Variants in LIPA observed in about 807,000 individuals in gnomAD.
LIPA encodes lysosomal acid lipase/cholesteryl ester hydrolase.
Under a neutral mutation model 40.6 loss-of-function variants are expected in LIPA, and 26 were observed. The ratio of observed to expected loss-of-function variants is 0.64; its 90% CI spans 0.47 to 0.89. LIPA has a LOEUF of 0.89. Ranked by LOEUF, LIPA falls within the 40% of genes least tolerant of loss-of-function variation. The pLI, the probability that LIPA is intolerant of heterozygous loss-of-function variation, is 0.00. For synonymous variants in LIPA, 188 were observed against 168.4 expected (o/e 1.12, Z -0.90); for missense variants, 455 against 479.6 (o/e 0.95, Z 0.48).
rs1311480216 is a variant in LIPA, at chr10:89,223,738, G to C, written c.768C>G (p.Leu256=). 1 of 1,613,460 alleles carries C rather than the reference G, an allele frequency of 6.2e-7. No individual in the cohort carries two copies. Among genetic ancestry groups the C allele is most frequent in the Non-Finnish European group, 8.5e-7 (1 of 1,179,508 alleles). The change falls in exon 7 of 10, where the codon CTC becomes CTG. Residue 256 remains leucine, a synonymous_variant. Transcript: ENST00000336233. Reference sequence around the variant, plus strand: ...ACAGAAGAAAACAGAGATTTCCACAGAGCTCCTTCAGTATGACATGAGTGC... The same window carrying C: ...ACAGAAGAAAACAGAGATTTCCACACAGCTCCTTCAGTATGACATGAGTGC... ...HVCTHVILKE[L]CGNLCFLLCG...
intron 2 of LIPA, chr10:89,383,872 C>A (rs767791005): frequency 6.2e-7 from 1 of 1,614,168 alleles, no homozygotes; most frequent in Non-Finnish European, 8.5e-7. Flanking sequence ...CACCGTCTAT[C>A]GCCTGGATAA....
chr10:89,387,836 A>G (rs1200375922), intron 2 of LIPA, among the ~76,000 whole-genome samples: 1 of 152,224 alleles, frequency 6.6e-6, no homozygotes, highest in African/African-American at 2.4e-5. Flanking sequence ...TAAAATGTTA[A>G]CTGTAGAATC....
chr10:89,280,378 C>T (rs1378452404), intron 1 of LIPA, among the ~76,000 whole-genome samples: 1 of 152,188 alleles, frequency 6.6e-6, no homozygotes, highest in Non-Finnish European at 1.5e-5. Flanking sequence ...AGGAAAGGTT[C>T]CTTGAGACAC....
intron 2 of LIPA, among the ~76,000 whole-genome samples, chr10:89,375,199 C>T (rs761555377): frequency 6.6e-6 from 1 of 152,164 alleles, no homozygotes; most frequent in African/African-American, 2.4e-5. Context: ...AGTGCTATTC[C>T]GATTCCATGG....
At chr10:89,354,238 T>C (rs889359063) in intron 2 of LIPA, among the ~76,000 whole-genome samples, 2 of 152,226 alleles carry the variant, frequency 1.3e-5, no homozygotes, top group Non-Finnish European at 2.9e-5. Context: ...TTGTCTCTTA[T>C]CCGCCTATCA....
chr10:89,342,585 A>C (rs1273891260), intron 1 of LIPA: 1 of 152,204 alleles, frequency 6.6e-6, no homozygotes, highest in African/African-American at 2.4e-5. Context: ...TCCATCTTCC[A>C]GGTATGGTTA....
intron 1 of LIPA, chr10:89,291,928 TC>T (rs1326649998): frequency 1.3e-5 from 2 of 152,208 alleles, no homozygotes; most frequent in African/African-American, 4.8e-5. Flanking sequence ...GTGATGTATG[TC>T]ATTTCCAAGT....
At chr10:89,291,733 A>T (rs966201912) in intron 1 of LIPA, among the ~76,000 whole-genome samples, 1 of 152,178 alleles carries the variant, frequency 6.6e-6, no homozygotes, top group African/African-American at 2.4e-5. Context: ...ATACATGGTT[A>T]TTTAGGGCCA....
rs556678800 is a variant in LIPA at position 89,350,206 on chromosome 10, A to C, written c.61+62585T>G. Among the ~76,000 whole-genome samples the C allele has an allele frequency of 1.3e-4, 20 of 152,272 alleles. No homozygotes were observed. The South Asian group carries it at 2.1e-3, about 16-fold the overall frequency. On this transcript the variant is annotated intron_variant, in intron 2 of 8. Coordinates refer to the LIPA transcript ENST00000371837. ...CTCATCACTGAGTTCTCTGGTGTGA[A>C]GAGACTGATGGGGTTCAGGAGGATA...
chr10:89,312,310 A>C (rs1012092806), intron 1 of LIPA, among the ~76,000 whole-genome samples: 1 of 151,978 alleles, frequency 6.6e-6, no homozygotes, highest in Non-Finnish European at 1.5e-5. Flanking sequence ...GCTTGGTGGC[A>C]TGCACCTGTA....
chr10:89,378,284 T>A (rs554721383), intron 2 of LIPA: 1 of 764,208 alleles, frequency 1.3e-6, no homozygotes, highest in South Asian at 1.6e-5. Context: ...ACCCTCAACA[T>A]GATAACCAAG....
intron 2 of LIPA, among the ~76,000 whole-genome samples, chr10:89,366,191 GTATTT>G (rs1844055712): frequency 6.6e-6 from 1 of 152,112 alleles, no homozygotes; most frequent in Non-Finnish European, 1.5e-5. Context: ...GGATTCCTGG[GTATTT>G]TATTCTCTTT....
At chr10:89,328,344 C>T (rs535636117) in intron 1 of LIPA, among the ~76,000 whole-genome samples, 1 of 152,270 alleles carries the variant, frequency 6.6e-6, no homozygotes, top group South Asian at 2.1e-4. Context: ...CTCATGTTTC[C>T]TCCCTGTGTG....
intron 1 of LIPA, among the ~76,000 whole-genome samples, chr10:89,320,710 A>G (rs930568746): frequency 1.4e-4 from 22 of 152,252 alleles, no homozygotes; most frequent in African/African-American, 5.1e-4. Flanking sequence ...AGAATTGGAA[A>G]AAACTACTTT....
intron 1 of LIPA, among the ~76,000 whole-genome samples, chr10:89,259,805 C>CAA (rs1376951622): frequency 1.3e-5 from 2 of 152,192 alleles, no homozygotes; most frequent in African/African-American, 4.8e-5. Context: ...TGTCTCATTT[C>CAA]ATTTTCATAA....
intron 6 of LIPA, 108 bp downstream of exon 6, chr10:89,224,984 A>G: frequency 7.3e-7 from 1 of 1,371,044 alleles, no homozygotes; most frequent in Admixed American, 1.7e-5. Flanking sequence ...CTCCACTGAT[A>G]TCAAAACGCA....
chr10:89,270,551 A>T (rs534851422), intron 1 of LIPA, among the ~76,000 whole-genome samples: 1 of 152,316 alleles, frequency 6.6e-6, no homozygotes, highest in South Asian at 2.1e-4. Context: ...ACATTTCTGT[A>T]TCTGTTTTCT....
intron 1 of LIPA, among the ~76,000 whole-genome samples, chr10:89,301,089 C>T (rs949984118): frequency 3.9e-5 from 6 of 152,202 alleles, no homozygotes; most frequent in African/African-American, 1.2e-4. Context: ...ATTTCATCCT[C>T]CCAACACCAC....
intron 1 of LIPA, among the ~76,000 whole-genome samples, chr10:89,286,547 C>T (rs1843342309): frequency 6.6e-6 from 1 of 152,154 alleles, no homozygotes; most frequent in Admixed American, 6.5e-5. Context: ...TTTTCTTTAT[C>T]CAACCTCTCC....
Sources: gnomAD v4.1 joint callset for allele counts (sites outside exome capture counted in the v4.1 genomes callset) on GRCh38, gnomAD v4.1.1 for gene constraint, MANE v1.5 for transcripts, NCBI Gene and HGNC (gene_info 2026-07-23, HGNC 2026-07-21) for gene names.